ERBB4: variants seen among roughly 807,000 people sequenced by gnomAD.
The protein encoded by ERBB4 is erb-b2 receptor tyrosine kinase 4.
ERBB4 carries 42 observed loss-of-function variants against 158.0 expected under a neutral mutation model. That is an observed-to-expected ratio of 0.27 (90% CI 0.21 to 0.34). The LOEUF (loss-of-function observed/expected upper bound fraction) is 0.34. Among genes scored for constraint, ERBB4 ranks in the 10% least tolerant of loss-of-function variants. The probability of loss-of-function intolerance (pLI) is 1.00; values close to 1 mark genes in which losing one functional copy is unlikely to be tolerated. For missense variants in ERBB4, 1,333 were observed against 1,624.1 expected (o/e 0.82, Z 3.08); for synonymous variants, 583 against 558.7 (o/e 1.04, Z -0.61).
At chr2:212,465,112 C>A (rs1688766599) in intron 1 of ERBB4, among the ~76,000 whole-genome samples, 1 of 151,884 alleles carries the variant, frequency 6.6e-6, no homozygotes, top group Non-Finnish European at 1.5e-5. Context: ...AAGAATTAGC[C>A]CAGGAGGCTA....
chr2:211,953,545 C>G (rs1013064078), intron 2 of ERBB4, among the ~76,000 whole-genome samples: 1 of 145,826 alleles, frequency 6.9e-6, no homozygotes, highest in Admixed American at 6.9e-5. Context: ...GGCTCAGTAA[C>G]AGTTTAGTTC....
chr2:212,145,542 A>C (rs1312820622), intron 1 of ERBB4, among the ~76,000 whole-genome samples: 1 of 152,152 alleles, frequency 6.6e-6, no homozygotes, highest in African/African-American at 2.4e-5. Context: ...AGACTTTTCT[A>C]CATATTGCTA....
intron 3 of ERBB4, among the ~76,000 whole-genome samples, chr2:211,862,162 T>C (rs565626305): frequency 2.6e-5 from 4 of 152,194 alleles, no homozygotes; most frequent in Non-Finnish European, 5.9e-5. Flanking sequence ...ACATGTAGAA[T>C]AATCATTAGA....
rs71054125 is a variant in ERBB4, at chr2:211,673,517, C to CAAAAAAAAAAAAAAA, written c.1623-261_1623-260insTTTTTTTTTTTTTTT. Among the ~76,000 whole-genome samples the CAAAAAAAAAAAAAAA allele has an allele frequency of 2.9e-3, 155 of 54,028 alleles. 22 individuals are homozygous for CAAAAAAAAAAAAAAA. Among genetic ancestry groups the CAAAAAAAAAAAAAAA allele is most frequent in the African/African-American group, 0.01 (141 of 13,866 alleles). 35.4% of individuals were successfully genotyped at this position (54,028 alleles called of 152,430 possible). A position where few individuals can be genotyped will look rare whatever the true frequency, so the allele number is the denominator to read the frequency against. ...CCTGCAAGACATATTCCAGCAATCT[C>CAAAAAAAAAAAAAAA]AAAAAAAAAAAAAGCTACAAAGTAT... On this transcript the variant is annotated intron_variant, in intron 13 of 27. Coordinates refer to ENST00000342788, the MANE Select transcript of ERBB4 (RefSeq NM_005235.3).
intron 16 of ERBB4, among the ~76,000 whole-genome samples, chr2:211,654,305 T>C (rs557527481): frequency 6.6e-6 from 1 of 152,332 alleles, no homozygotes; most frequent in South Asian, 2.1e-4. Flanking sequence ...CACAAGTCAA[T>C]TGATTCTGAC....
chr2:211,740,721 G>A (rs963628914), intron 5 of ERBB4, among the ~76,000 whole-genome samples: 1 of 137,974 alleles, frequency 7.2e-6, no homozygotes, highest in African/African-American at 2.8e-5. Flanking sequence ...TGCCATTCAC[G>A]TGCCTCAGCT....
intron 25 of ERBB4, among the ~76,000 whole-genome samples, chr2:211,420,154 G>A (rs548030003): frequency 1.3e-5 from 2 of 152,078 alleles, no homozygotes; most frequent in South Asian, 4.1e-4. Flanking sequence ...AGTTGGAATT[G>A]TTTTTTAAAG....
chr2:211,782,857 C>T (rs908732420), intron 4 of ERBB4, among the ~76,000 whole-genome samples: 1 of 152,164 alleles, frequency 6.6e-6, no homozygotes, highest in Admixed American at 6.5e-5. Context: ...GCGATACGGG[C>T]TCTTTTTTGG....
At chr2:211,679,837 G>A (rs1318825058) in intron 12 of ERBB4, among the ~76,000 whole-genome samples, 1 of 151,998 alleles carries the variant, frequency 6.6e-6, no homozygotes, top group Non-Finnish European at 1.5e-5. Context: ...ACACTACCAC[G>A]CCCAGATAAT....
At position 212,399,566 on chromosome 2, in the gene ERBB4, A is replaced by T. The variant is rs977516229; in HGVS notation, c.82+138883T>A. ...TATACATATATATATATATATATAT[A>T]TATATATATATATATATATTGGGCG... On this transcript the variant is annotated intron_variant, in intron 1 of 27. Transcript: ENST00000342788. 6.9e-4 allele frequency among the ~76,000 whole-genome samples: 18 copies of T among 25,964 alleles called. 1 individual carries two copies. The highest frequency in any genetic ancestry group is 9.0e-4 in the Non-Finnish European group (12 of 13,306). 17.0% of individuals were successfully genotyped at this position (25,964 alleles called of 152,430 possible).
At chr2:211,928,267 C>G (rs905682619) in intron 3 of ERBB4, among the ~76,000 whole-genome samples, 5 of 152,026 alleles carry the variant, frequency 3.3e-5, no homozygotes, top group Non-Finnish European at 2.9e-5. Flanking sequence ...TTTTGAATTT[C>G]CCCCGAGAAT....
intron 1 of ERBB4, among the ~76,000 whole-genome samples, chr2:212,262,234 T>G (rs2106090111): frequency 6.6e-6 from 1 of 152,302 alleles, no homozygotes; most frequent in African/African-American, 2.4e-5. Context: ...CTATTATCGG[T>G]TATTTTGTGT....
chr2:212,070,714 T>C (rs2078088651), intron 2 of ERBB4, among the ~76,000 whole-genome samples: 1 of 127,618 alleles, frequency 7.8e-6, no homozygotes, highest in South Asian at 2.8e-4. Flanking sequence ...AAGACATAAA[T>C]ATAAAAGCTC....
At chr2:212,453,492 T>C (rs1688110934) in intron 1 of ERBB4, among the ~76,000 whole-genome samples, 1 of 152,318 alleles carries the variant, frequency 6.6e-6, no homozygotes, top group Admixed American at 6.5e-5. Context: ...GTTCAGTGTT[T>C]TGTTTTTTGT....
rs386392490 is a variant in ERBB4 at position 211,867,024 on chromosome 2, C to CAAAAAAAAAA, written c.422-78875_422-78866dup. 5.3e-4 allele frequency among the ~76,000 whole-genome samples: 32 copies of CAAAAAAAAAA among 60,632 alleles called. 5 individuals are homozygous for CAAAAAAAAAA. The highest frequency in any genetic ancestry group is 6.3e-4 in the East Asian group (1 of 1,590). 39.8% of individuals were successfully genotyped at this position (60,632 alleles called of 152,430 possible). On this transcript the variant is annotated intron_variant, in intron 3 of 27. Transcript: ENST00000342788. ...TATTAAACTCTCCATTCCTTAAAAC[C>CAAAAAAAAAA]AAAAAAAAAAAAAAAAAAAAAAAAA...
chr2:211,920,679 A>G (rs556122040), intron 3 of ERBB4, among the ~76,000 whole-genome samples: 1 of 151,350 alleles, frequency 6.6e-6, no homozygotes, highest in East Asian at 1.9e-4. Context: ...GCTGATATTA[A>G]CAAACTGTTG....
chr2:212,374,758 C>A (rs1190688942), intron 1 of ERBB4, among the ~76,000 whole-genome samples: 2 of 151,890 alleles, frequency 1.3e-5, no homozygotes, highest in African/African-American at 4.8e-5. Context: ...TGGAAACTAA[C>A]AAATAAAGAA....
At position 211,571,224 on chromosome 2, in the gene ERBB4, G is replaced by A. The variant is rs1490687642; in HGVS notation, c.2302-9136C>T. ...AATGCAGAAATACTACCCGGGCTTT[G>A]GCTGTACCTCACTTTGTTTTAGTCT... On this transcript the variant is annotated intron_variant, in intron 19 of 27. Coordinates refer to ENST00000342788, the MANE Select transcript of ERBB4 (RefSeq NM_005235.3). 2.0e-5 allele frequency among the ~76,000 whole-genome samples: 3 copies of A among 151,600 alleles called. No individual in the cohort carries two copies. The East Asian group carries it at 5.8e-4, about 29-fold the overall frequency.
At chr2:212,180,281 C>A (rs187492545) in intron 1 of ERBB4, among the ~76,000 whole-genome samples, 251 of 151,746 alleles carry the variant, frequency 1.7e-3, no homozygotes, top group African/African-American at 5.7e-3. Flanking sequence ...ATGTGATATC[C>A]TGTCAATTCG....
Sources: gnomAD v4.1 joint callset for allele counts (sites outside exome capture counted in the v4.1 genomes callset) on GRCh38, gnomAD v4.1.1 for gene constraint, MANE v1.5 for transcripts, NCBI Gene and HGNC (gene_info 2026-07-23, HGNC 2026-07-21) for gene names.